The following DCC variants were observed in gnomAD, a reference collection of about 807,000 sequenced individuals.
DCC encodes the protein netrin receptor DCC.
DCC carries 58 observed loss-of-function variants against 172.5 expected under a neutral mutation model. The ratio of observed to expected loss-of-function variants is 0.34; its 90% CI spans 0.27 to 0.42. The LOEUF is 0.42. Ranked by LOEUF, DCC falls within the 10% of genes least tolerant of loss-of-function variation. The pLI, the probability that DCC is intolerant of heterozygous loss-of-function variation, is 1.00. For synonymous variants in DCC, 709 were observed against 644.5 expected (o/e 1.10, Z -1.52); for missense variants, 1,740 against 1,791.0 (o/e 0.97, Z 0.51).
intron 3 of DCC, among the ~76,000 whole-genome samples, chr18:52,911,357 G>A (rs1196529013): frequency 6.6e-6 from 1 of 152,004 alleles, no homozygotes; most frequent in Non-Finnish European, 1.5e-5. Flanking sequence ...TAGGTCATAA[G>A]GGAAGAACTG....
At chr18:52,521,621 T>C (rs1479217874) in intron 1 of DCC, among the ~76,000 whole-genome samples, 1 of 152,060 alleles carries the variant, frequency 6.6e-6, no homozygotes, top group Non-Finnish European at 1.5e-5. Context: ...AACAAAGGCC[T>C]TAGGACTCTG....
intron 3 of DCC, among the ~76,000 whole-genome samples, chr18:52,919,372 TACTA>T (rs1320704310): frequency 2.0e-5 from 3 of 152,180 alleles, no homozygotes; most frequent in Non-Finnish European, 4.4e-5. Context: ...ATGAACTACT[TACTA>T]TTAATGAAAA....
rs543967428 is a variant in DCC at position 52,829,465 on chromosome 18, G to C, written c.413-76579G>C. On this transcript the variant is annotated intron_variant, in intron 2 of 28. Coordinates refer to ENST00000442544, the MANE Select transcript of DCC (RefSeq NM_005215.4). ...TTAATCTCCAAGATTGTACACATCT[G>C]TAAATTTGTGAAATGCCTCCAGAGA... Among the ~76,000 whole-genome samples, 3 of 152,262 alleles carry C rather than the reference G, an allele frequency of 2.0e-5. No individual in the cohort carries two copies. The East Asian group carries it at 5.8e-4, about 29-fold the overall frequency.
chr18:53,461,260 T>G (rs980813754), intron 24 of DCC, among the ~76,000 whole-genome samples: 39 of 151,192 alleles, frequency 2.6e-4, no homozygotes, highest in Non-Finnish European at 4.7e-4. Flanking sequence ...TAGTTTCTTT[T>G]GCTGTGCAGA....
chr18:52,377,635 A>AT (rs5824932), intron 1 of DCC, among the ~76,000 whole-genome samples: 49,527 of 148,518 alleles, frequency 0.33, 9,151 homozygotes, highest in African/African-American at 0.49. Flanking sequence ...ACAATTATGC[A>AT]TTTTTTTTTA....
chr18:52,523,014 C>T (rs1145262), intron 1 of DCC, among the ~76,000 whole-genome samples: 47,360 of 152,004 alleles, frequency 0.31, 7,541 homozygotes, highest in African/African-American at 0.35. Context: ...AAGTGATTGT[C>T]TGTTCTGATG....
intron 1 of DCC, among the ~76,000 whole-genome samples, chr18:52,590,577 G>A (rs1470701699): frequency 1.3e-5 from 2 of 152,190 alleles, no homozygotes; most frequent in Non-Finnish European, 2.9e-5. Flanking sequence ...TACACAGGGT[G>A]CAAGCGCTGA....
At chr18:52,751,263 G>C (rs188315025) in intron 1 of DCC, among the ~76,000 whole-genome samples, 80 of 152,252 alleles carry the variant, frequency 5.3e-4, no homozygotes, top group African/African-American at 1.9e-3. Context: ...TGAGTATTCT[G>C]TCAAATGCTA....
chr18:53,080,128 G>C, intron 7 of DCC, among the ~76,000 whole-genome samples: 1 of 152,108 alleles, frequency 6.6e-6, no homozygotes, highest in Middle Eastern at 3.2e-3. Context: ...AAGAGAGAAT[G>C]AGGTCATTGA....
At chr18:53,162,487 A>G (rs1267341341) in intron 8 of DCC, among the ~76,000 whole-genome samples, 3 of 152,124 alleles carry the variant, frequency 2.0e-5, no homozygotes, top group East Asian at 3.9e-4. Context: ...TCTGCTTCAA[A>G]ACCCTGTGAT....
intron 7 of DCC, among the ~76,000 whole-genome samples, chr18:53,145,402 C>A (rs1013539845): frequency 6.6e-6 from 1 of 152,006 alleles, no homozygotes; most frequent in Non-Finnish European, 1.5e-5. Context: ...CATGAGCCAC[C>A]GCACCCAGCC....
chr18:53,083,534 T>C (rs2042835442), intron 7 of DCC, among the ~76,000 whole-genome samples: 1 of 152,176 alleles, frequency 6.6e-6, no homozygotes, highest in African/African-American at 2.4e-5. Context: ...TTCTGAAAAA[T>C]ATTACTGAGT....
At chr18:52,596,272 A>T (rs747687596) in intron 1 of DCC, among the ~76,000 whole-genome samples, 1 of 152,210 alleles carries the variant, frequency 6.6e-6, no homozygotes, top group Non-Finnish European at 1.5e-5. Context: ...TCACACGGGA[A>T]ACACAATTCA....
chr18:52,600,022 C>A (rs902443494), intron 1 of DCC, among the ~76,000 whole-genome samples: 8 of 152,138 alleles, frequency 5.3e-5, no homozygotes, highest in African/African-American at 1.7e-4. Context: ...ATATTCTCAA[C>A]CTTTTCAAAT....
chr18:53,273,796 G>A (rs1292193585), intron 12 of DCC, among the ~76,000 whole-genome samples: 1 of 151,292 alleles, frequency 6.6e-6, no homozygotes, highest in Admixed American at 6.6e-5. Context: ...AACACTTCAG[G>A]GCTCACTGCT....
chr18:53,099,860 G>A (rs1189128961), intron 7 of DCC, among the ~76,000 whole-genome samples: 2 of 151,722 alleles, frequency 1.3e-5, no homozygotes, highest in African/African-American at 4.8e-5. Context: ...TGAACTAGCA[G>A]AGGATTCACC....
At chr18:52,368,898 A>G (rs950406427) in intron 1 of DCC, among the ~76,000 whole-genome samples, 1 of 152,222 alleles carries the variant, frequency 6.6e-6, no homozygotes, top group Non-Finnish European at 1.5e-5. Context: ...TAATGTATGT[A>G]TAAAGTGCCC....
chr18:53,155,318 GA>G (rs1414036181), intron 7 of DCC, among the ~76,000 whole-genome samples: 1 of 152,056 alleles, frequency 6.6e-6, no homozygotes, highest in Non-Finnish European at 1.5e-5. Context: ...AAAGACTAGG[GA>G]AAATGGACCA....
chr18:52,486,699 C>T (rs1007998186), intron 1 of DCC, among the ~76,000 whole-genome samples: 3 of 152,004 alleles, frequency 2.0e-5, no homozygotes, highest in Admixed American at 6.6e-5. Context: ...CACAAATCTG[C>T]GAGTCTTATA....
Sources: gnomAD v4.1 joint callset for allele counts (sites outside exome capture counted in the v4.1 genomes callset) on GRCh38, gnomAD v4.1.1 for gene constraint, MANE v1.5 for transcripts, NCBI Gene and HGNC (gene_info 2026-07-23, HGNC 2026-07-21) for gene names.